The following ATAD1 variants were observed in gnomAD, a reference collection of about 807,000 sequenced individuals.
ATAD1 encodes ATPase family AAA domain containing 1, also known as outer mitochondrial transmembrane helix translocase.
ATAD1 carries 18 observed loss-of-function variants against 42.7 expected under a neutral mutation model. That is an observed-to-expected ratio of 0.42 (90% CI 0.29 to 0.63). ATAD1 has a LOEUF of 0.63. Among genes scored for constraint, ATAD1 ranks in the 20% least tolerant of loss-of-function variants. The pLI is 0.19. For synonymous variants in ATAD1, 132 were observed against 143.1 expected, an observed-to-expected ratio of 0.92 and a Z score of 0.55; for missense variants, 294 against 440.4, an observed-to-expected ratio of 0.67 and a Z score of 2.98.
chr10:87,818,917 AC>A (rs962555200), upstream of ATAD1: 1 of 152,368 alleles, frequency 6.6e-6, no homozygotes, highest in African/African-American at 2.4e-5. Context: ...GCGACGTGAC[AC>A]AAGAGGTCCC....
intron 2 of ATAD1, among the ~76,000 whole-genome samples, chr10:87,813,367 T>A (rs76483134): frequency 6.7e-4 from 102 of 151,366 alleles, no homozygotes; most frequent in African/African-American, 2.1e-3. Flanking sequence ...TTTTTTTTTT[T>A]AAATCTACCC....
chr10:87,827,243 G>C lies in ATAD1; in HGVS notation c.-13-12631C>G, dbSNP rs750723577. The stretch of plus-strand genomic sequence containing the variant: ...AATAATTTAATAAAATTCTGTTTCA[G>C]TATTTATGCAGTATTTGAGAAATTC... On this transcript the variant is annotated intron_variant, in intron 1 of 4. Transcript: ENST00000495903. Among the ~76,000 whole-genome samples the C allele has an allele frequency of 3.0e-4, 46 of 152,084 alleles. 1 individual carries two copies. The highest frequency in any genetic ancestry group is 4.9e-4 in the Non-Finnish European group (33 of 68,010).
upstream of ATAD1, among the ~76,000 whole-genome samples, chr10:87,823,006 A>G (rs1857659346): frequency 1.3e-5 from 2 of 151,964 alleles, no homozygotes; most frequent in African/African-American, 4.8e-5. Flanking sequence ...GAATCAAGGA[A>G]AAAATAATGG....
chr10:87,778,389 T>C (rs528445922), intron 5 of ATAD1, among the ~76,000 whole-genome samples: 1 of 136,984 alleles, frequency 7.3e-6, no homozygotes, highest in East Asian at 2.0e-4. Context: ...TATCCCTCCC[T>C]TATCCAAGAT....
chr10:87,788,396 T>C (rs1855936194), intron 4 of ATAD1, among the ~76,000 whole-genome samples: 1 of 152,120 alleles, frequency 6.6e-6, no homozygotes. Context: ...CAATTTATAT[T>C]GAGGGTCAAA....
chr10:87,791,537 G>A (rs1226200869), intron 3 of ATAD1, among the ~76,000 whole-genome samples: 1 of 152,086 alleles, frequency 6.6e-6, no homozygotes, highest in Non-Finnish European at 1.5e-5. Context: ...AATATAGGCA[G>A]GGTTCCAAGA....
chr10:87,835,355 G>A (rs192822405), intron 1 of ATAD1, among the ~76,000 whole-genome samples: 14 of 152,130 alleles, frequency 9.2e-5, no homozygotes, highest in African/African-American at 3.4e-4. Flanking sequence ...TTGTAGATTT[G>A]TCTGTTTCTC....
chr10:87,840,026 C>A (rs1858003302), intron 1 of ATAD1, among the ~76,000 whole-genome samples: 1 of 152,156 alleles, frequency 6.6e-6, no homozygotes, highest in Non-Finnish European at 1.5e-5. Flanking sequence ...TTATTACTGA[C>A]CTCAATTCTA....
intron 1 of ATAD1, among the ~76,000 whole-genome samples, chr10:87,837,982 C>T (rs752124716): frequency 1.3e-5 from 2 of 152,182 alleles, no homozygotes; most frequent in Non-Finnish European, 2.9e-5. Flanking sequence ...GCTTTTCCTG[C>T]TCCTTGAGCC....
chr10:87,803,221 A>G (rs1270124993), intron 2 of ATAD1, among the ~76,000 whole-genome samples: 1 of 152,206 alleles, frequency 6.6e-6, no homozygotes, highest in Non-Finnish European at 1.5e-5. Flanking sequence ...CTTTCCTAAT[A>G]ACTCAGGACC....
rs1855738584 is a variant in ATAD1, at chr10:87,784,636, T to C, written c.417A>G (p.Lys139=). 2 of 1,613,030 alleles carry C rather than the reference T, an allele frequency of 1.2e-6. No individual in the cohort carries two copies. Among genetic ancestry groups the C allele is most frequent in the South Asian group, 2.2e-5 (2 of 91,028 alleles). The part of the protein sequence containing the change: ...VLLYGPPGCG[K]TLIAKATAKE... ...TGGCTGTGGCCTTGGCAATCAACGT[T>C]TTACCACAGCCTGGAGGCCCATAGA... is the stretch of plus-strand genomic sequence containing the variant. Residue 139 remains lysine, a synonymous_variant, in exon 5 of 10, where the codon AAA becomes AAG. Transcript: ENST00000680024.
intron 1 of ATAD1, among the ~76,000 whole-genome samples, chr10:87,825,187 T>A (rs1317219427): frequency 1.3e-5 from 2 of 152,204 alleles, no homozygotes; most frequent in Non-Finnish European, 2.9e-5. Flanking sequence ...TTACTTAGAC[T>A]GCTGAGTGGA....
intron 5 of ATAD1, among the ~76,000 whole-genome samples, chr10:87,778,103 T>C (rs1404477453): frequency 1.4e-5 from 2 of 145,800 alleles, no homozygotes; most frequent in African/African-American, 5.1e-5. Flanking sequence ...TAGATATGTA[T>C]AAATAATTAC....
chr10:87,810,259 G>A (rs947260630), intron 2 of ATAD1, among the ~76,000 whole-genome samples: 6 of 150,914 alleles, frequency 4.0e-5, no homozygotes, highest in African/African-American at 1.5e-4. Context: ...TAATAAATAC[G>A]CTACCAATAT....
At chr10:87,777,968 C>A (rs1855384077) in intron 5 of ATAD1, among the ~76,000 whole-genome samples, 1 of 151,952 alleles carries the variant, frequency 6.6e-6, no homozygotes, top group East Asian at 1.9e-4. Flanking sequence ...GGTGGAAAAA[C>A]CAGTCATTTT....
intron 7 of ATAD1, among the ~76,000 whole-genome samples, chr10:87,770,461 G>A (rs1053842298): frequency 2.5e-4 from 38 of 152,166 alleles, no homozygotes; most frequent in East Asian, 7.7e-4. Context: ...CCATCTAAGC[G>A]TTTGCATTCT....
In ATAD1 at chr10:87,753,070, A is replaced by T. The variant is rs967228222; in HGVS notation, c.*1617T>A. 8 of 152,166 alleles carry T rather than the reference A, an allele frequency of 5.3e-5. No homozygotes were observed. The highest frequency in any genetic ancestry group is 1.9e-4 in the African/African-American group (8 of 41,458). The allele number at this position is 152,166 out of a possible 1,614,324, so 9.4% of individuals were successfully genotyped here. On this transcript the variant is annotated 3_prime_UTR_variant, in exon 10 of 10. Transcript: ENST00000680024. ...TATAAACCAAAAAAAATCCCAGAAA[A>T]CTTAAAATTACTGAAAAAGACCAAA...
Position 87,814,523 on chromosome 10 carries a change from A to T in ATAD1, c.77T>A (p.Phe26Tyr). ...VVGLIFRLTIFGAVTYFTIKW... is the reference protein window; with the variant it reads ...VVGLIFRLTIYGAVTYFTIKW... ...GATAGTAAAGTATGTCACTGCACCA[A>T]ATATTGTCAAACGGAAAATTAAACC... The change falls in exon 2 of 10, where the codon TTT becomes TAT. Residue 26 changes from phenylalanine to tyrosine, a missense_variant. Phe to Tyr is a conservative substitution (Grantham distance 22). Coordinates refer to ENST00000680024, the MANE Select transcript of ATAD1 (RefSeq NM_001321967.2). 6.2e-7 allele frequency: 1 copy of T among 1,612,218 alleles called. No individual in the cohort carries two copies. Among genetic ancestry groups the T allele is most frequent in the Non-Finnish European group, 8.5e-7 (1 of 1,179,134 alleles).
At chr10:87,796,137 A>C (rs1421772964) in intron 2 of ATAD1, among the ~76,000 whole-genome samples, 1 of 152,248 alleles carries the variant, frequency 6.6e-6, no homozygotes, top group Non-Finnish European at 1.5e-5. Context: ...ACACATGTGG[A>C]AACAGTGATC....
Sources: gnomAD v4.1 joint callset for allele counts (sites outside exome capture counted in the v4.1 genomes callset) on GRCh38, gnomAD v4.1.1 for gene constraint, MANE v1.5 for transcripts, NCBI Gene and HGNC (gene_info 2026-07-23, HGNC 2026-07-21) for gene names.